SEZ6L: variants seen among roughly 807,000 people sequenced by gnomAD.
SEZ6L encodes seizure 6-like protein.
SEZ6L carries 37 observed loss-of-function variants against 106.2 expected under a neutral mutation model. The ratio of observed to expected loss-of-function variants is 0.35; its 90% CI spans 0.27 to 0.46. The LOEUF is 0.46. SEZ6L is among the 20% of genes least tolerant of loss of function. The pLI, the probability that SEZ6L is intolerant of heterozygous loss-of-function variation, is 1.00. For synonymous variants in SEZ6L, 541 were observed against 570.4 expected (o/e 0.95, Z 0.73); for missense variants, 1,172 against 1,332.8 (o/e 0.88, Z 1.88).
At chr22:26,213,480 T>TA (rs1352812546) in intron 1 of SEZ6L, among the ~76,000 whole-genome samples, 58 of 152,352 alleles carry the variant, frequency 3.8e-4, no homozygotes, top group South Asian at 1.0e-3. Flanking sequence ...TAGAGGATTG[T>TA]AATCCACTCA....
chr22:26,381,654 A>T lies in SEZ6L; in HGVS notation c.*1359A>T, dbSNP rs1455825190. ...TTTTATCAGGGTCTGTTTTCCCCCA[A>T]CCCAGTGAAACCGGTGAGTGTGTAA... On this transcript the variant is annotated 3_prime_UTR_variant, in exon 17 of 17. Transcript: ENST00000248933. The T allele has an allele frequency of 6.2e-6, 1 of 160,362 alleles. No individual in the cohort carries two copies. Among genetic ancestry groups the T allele is most frequent in the Non-Finnish European group, 1.4e-5 (1 of 72,760 alleles). 9.9% of individuals were successfully genotyped at this position (160,362 alleles called of 1,614,324 possible).
chr22:26,298,721 G>C (rs1319520352), intron 4 of SEZ6L, among the ~76,000 whole-genome samples: 1 of 152,124 alleles, frequency 6.6e-6, no homozygotes, highest in Non-Finnish European at 1.5e-5. Flanking sequence ...GCTCAAAGGA[G>C]GTATGGAAAC....
intron 1 of SEZ6L, among the ~76,000 whole-genome samples, chr22:26,261,307 C>T (rs1025023521): frequency 2.6e-5 from 4 of 152,086 alleles, no homozygotes; most frequent in African/African-American, 9.7e-5. Context: ...AAGTCTTTGC[C>T]TAAGCCAATG....
At chr22:26,346,695 G>A (rs2083018804) in intron 10 of SEZ6L, among the ~76,000 whole-genome samples, 2 of 152,226 alleles carry the variant, frequency 1.3e-5, no homozygotes, top group Admixed American at 6.5e-5. Flanking sequence ...AATGCCAACT[G>A]TTGACAGGAG....
At chr22:26,353,761 C>A (rs1258512889) in intron 12 of SEZ6L, among the ~76,000 whole-genome samples, 1 of 151,658 alleles carries the variant, frequency 6.6e-6, no homozygotes, top group Non-Finnish European at 1.5e-5. Flanking sequence ...GTAACTGTGA[C>A]CTTGATTGGA....
chr22:26,326,565 T>C (rs181755029), intron 9 of SEZ6L, among the ~76,000 whole-genome samples: 41 of 152,294 alleles, frequency 2.7e-4, no homozygotes, highest in African/African-American at 8.9e-4. Context: ...CTCCATGTAA[T>C]AGATGAGGAC....
At chr22:26,204,318 G>T (rs1000163137) in intron 1 of SEZ6L, among the ~76,000 whole-genome samples, 5 of 152,166 alleles carry the variant, frequency 3.3e-5, no homozygotes, top group African/African-American at 1.2e-4. Context: ...ATTGTGATGG[G>T]TGCTTGAAAA....
rs548304361 is a variant in SEZ6L at position 26,346,698 on chromosome 22, G to C, written c.2213-1021G>C. On this transcript the variant is annotated intron_variant, in intron 10 of 16. Coordinates refer to ENST00000248933, the MANE Select transcript of SEZ6L (RefSeq NM_021115.5). ...GGCTGGCAAGTCAATGCCAACTGTT[G>C]ACAGGAGGCCTCAGTTTCTCTTCCC... Among the ~76,000 whole-genome samples, 5 of 152,322 alleles carry C rather than the reference G, an allele frequency of 3.3e-5. No homozygotes were observed. The South Asian group carries it at 1.0e-3, about 32-fold the overall frequency.
intron 5 of SEZ6L, among the ~76,000 whole-genome samples, chr22:26,300,356 C>T (rs949959551): frequency 6.6e-6 from 1 of 152,094 alleles, no homozygotes; most frequent in Non-Finnish European, 1.5e-5. Flanking sequence ...TTCCTGTGTC[C>T]ATGTGTTCTC....
At chr22:26,353,957 G>A (rs1001856062) in intron 12 of SEZ6L, among the ~76,000 whole-genome samples, 1 of 152,096 alleles carries the variant, frequency 6.6e-6, no homozygotes, top group Admixed American at 6.5e-5. Flanking sequence ...CACAGTATCT[G>A]TAACCATGAC....
intron 1 of SEZ6L, among the ~76,000 whole-genome samples, chr22:26,235,384 C>A (rs903678541): frequency 1.3e-5 from 2 of 152,154 alleles, no homozygotes; most frequent in African/African-American, 4.8e-5. Flanking sequence ...ATGAATTCAA[C>A]AAACATTTAC....
Position 26,299,125 on chromosome 22 carries a change from A to G in SEZ6L, c.1304A>G (p.Asn435Ser), listed in dbSNP as rs1409705744. 2 of 1,596,138 alleles carry G rather than the reference A, an allele frequency of 1.3e-6. No individual in the cohort carries two copies. Among genetic ancestry groups the G allele is most frequent in the African/African-American group, 1.3e-5 (1 of 74,266 alleles). Residue 435 changes from asparagine (N) to serine (S), a missense_variant, in exon 5 of 17, where the codon AAT becomes AGT. Transcript: ENST00000248933. Reference sequence around the variant, plus strand: ...GGCGCTAAGATGCTGACATGCATCAATGCCTCCAAGCCGCACTGGAGCAGC... The same window carrying G: ...GGCGCTAAGATGCTGACATGCATCAGTGCCTCCAAGCCGCACTGGAGCAGC... The part of the protein sequence containing the change: ...LQGAKMLTCI[N>S]ASKPHWSSQE...
intron 12 of SEZ6L, among the ~76,000 whole-genome samples, chr22:26,352,062 G>A (rs921055616): frequency 2.6e-5 from 4 of 151,872 alleles, no homozygotes; most frequent in African/African-American, 9.7e-5. Flanking sequence ...TCAGGAGGCT[G>A]AGGTGGGAGG....
Position 26,175,602 on chromosome 22 carries a change from G to A in SEZ6L, c.94+5839G>A, listed in dbSNP as rs539682924. The stretch of plus-strand genomic sequence containing the variant: ...AGTTCCCAAAAAAGATGAACATAGG[G>A]ATTATTCTTTCCAGTTGAGGAAAGG... On this transcript the variant is annotated intron_variant, in intron 1 of 16. Coordinates refer to ENST00000248933, the MANE Select transcript of SEZ6L (RefSeq NM_021115.5). 3.3e-5 allele frequency among the ~76,000 whole-genome samples: 5 copies of A among 152,172 alleles called. No homozygotes were observed. The South Asian group carries it at 1.0e-3, about 32-fold the overall frequency.
intron 1 of SEZ6L, among the ~76,000 whole-genome samples, chr22:26,173,594 A>AT (rs1938771107): frequency 6.6e-6 from 1 of 152,240 alleles, no homozygotes; most frequent in Admixed American, 6.5e-5. Flanking sequence ...TTGCCCTTTC[A>AT]TTCATTCATT....
At chr22:26,333,614 G>A (rs952442082) in intron 9 of SEZ6L, among the ~76,000 whole-genome samples, 7 of 151,654 alleles carry the variant, frequency 4.6e-5, no homozygotes, top group Admixed American at 1.3e-4. Context: ...TGATTCACCC[G>A]AGACACACAC....
intron 1 of SEZ6L, among the ~76,000 whole-genome samples, chr22:26,190,622 T>C (rs1940127806): frequency 6.6e-6 from 1 of 152,192 alleles, no homozygotes; most frequent in Admixed American, 6.5e-5. Flanking sequence ...TAGTTGGCCT[T>C]GGTTCATGTG....
At chr22:26,226,753 C>A (rs2078645912) in intron 1 of SEZ6L, among the ~76,000 whole-genome samples, 1 of 152,142 alleles carries the variant, frequency 6.6e-6, no homozygotes, top group African/African-American at 2.4e-5. Flanking sequence ...ACCATCTGGC[C>A]AATGGGATGT....
chr22:26,202,813 C>T (rs1020906329), intron 1 of SEZ6L, among the ~76,000 whole-genome samples: 18 of 152,124 alleles, frequency 1.2e-4, no homozygotes, highest in African/African-American at 3.4e-4. Flanking sequence ...ACTGTAGTAT[C>T]GAGCTTGCAT....
Sources: allele counts gnomAD v4.1 joint callset (sites outside exome capture counted in the v4.1 genomes callset), GRCh38; gene constraint gnomAD v4.1.1; transcripts MANE v1.5; gene names NCBI Gene and HGNC (gene_info 2026-07-23, HGNC 2026-07-21).